Variants in UGGT1 observed in about 807,000 individuals in gnomAD.
UGGT1 encodes UDP-glucose glycoprotein glucosyltransferase 1, also known as UDP-glucose:glycoprotein glucosyltransferase 1.
UGGT1 carries 107 observed loss-of-function variants against 203.9 expected under a neutral mutation model. The ratio of observed to expected loss-of-function variants is 0.52; its 90% CI spans 0.45 to 0.62. The LOEUF (loss-of-function observed/expected upper bound fraction) is 0.62. Among genes scored for constraint, UGGT1 ranks in the 20% least tolerant of loss-of-function variants. The pLI is 0.00. For synonymous variants in UGGT1, 628 were observed against 653.5 expected, an observed-to-expected ratio of 0.96 and a Z score of 0.59; for missense variants, 1,673 against 1,867.2, an observed-to-expected ratio of 0.90 and a Z score of 1.92.
At position 128,113,232 on chromosome 2, in the gene UGGT1, A is replaced by C. The variant is rs940014742; in HGVS notation, c.670A>C (p.Asn224His). ...ATCAAAAAGCAATGCAGGCAAAATC[A>C]ATTATGTATTCAGACATTATATATT... ...LISKSNAGKI[N>H]YVFRHYIFNP... The change falls in exon 6 of 41, where the codon AAT (asparagine) becomes CAT (histidine). Residue 224 changes from asparagine (N) to histidine (H), a missense_variant. By Grantham distance (68) the Asn-to-His change is moderately conservative. This residue lies in a region of UGGT1 where 1,073 missense variants were observed against 1,078.7 expected (regional missense o/e 0.99). Transcript: ENST00000259253. The C allele has an allele frequency of 1.9e-6, 3 of 1,612,060 alleles. No homozygotes were observed. Among genetic ancestry groups the C allele is most frequent in the Non-Finnish European group, 2.5e-6 (3 of 1,179,154 alleles).
At chr2:128,122,257 G>A (rs1465920490) in intron 10 of UGGT1, among the ~76,000 whole-genome samples, 1 of 152,012 alleles carries the variant, frequency 6.6e-6, no homozygotes, top group African/African-American at 2.4e-5. Flanking sequence ...AGTGGGCCAG[G>A]CATGGTGGCT....
Position 128,193,585 on chromosome 2 carries a change from A to G in UGGT1, c.*3843A>G, listed in dbSNP as rs1033411750. On this transcript the variant is annotated 3_prime_UTR_variant, in exon 41 of 41. Transcript: ENST00000259253. ...AGCCCTCGTGTTCTGAACCTTGTCAAGGCTCTGCCTGAATGAGTTTTCATC... is the reference window on the plus strand; with the variant it reads ...AGCCCTCGTGTTCTGAACCTTGTCAGGGCTCTGCCTGAATGAGTTTTCATC... The G allele has an allele frequency of 6.6e-6, 1 of 152,184 alleles. No individual in the cohort carries two copies. Among genetic ancestry groups the G allele is most frequent in the African/African-American group, 2.4e-5 (1 of 41,416 alleles). 9.4% of individuals were successfully genotyped at this position (152,184 alleles called of 1,614,324 possible). A position where few individuals can be genotyped will look rare whatever the true frequency, so the allele number is the denominator to read the frequency against.
Position 128,164,654 on chromosome 2 carries a change from C to G in UGGT1, c.2826-76C>G, listed in dbSNP as rs1573602134. On this transcript the variant is annotated intron_variant, in intron 25 of 40. Coordinates refer to ENST00000259253, the MANE Select transcript of UGGT1 (RefSeq NM_020120.4). Reference sequence around the variant, plus strand: ...ATCTTGTTAGAATTCAGTATTTGGGCTGATGATATGTTTGGCAATAATTGG... The same window carrying G: ...ATCTTGTTAGAATTCAGTATTTGGGGTGATGATATGTTTGGCAATAATTGG... The G allele has an allele frequency of 1.4e-5, 17 of 1,198,892 alleles. No individual in the cohort carries two copies. The Admixed American group carries it at 2.9e-4, about 20-fold the overall frequency. The allele number at this position is 1,198,892 out of a possible 1,614,324, so 74.3% of individuals were successfully genotyped here. A position where few individuals can be genotyped will look rare whatever the true frequency, so the allele number is the denominator to read the frequency against.
At chr2:128,163,455 C>G (rs1313951239) in intron 25 of UGGT1, among the ~76,000 whole-genome samples, 3 of 150,726 alleles carry the variant, frequency 2.0e-5, no homozygotes, top group African/African-American at 7.3e-5. Flanking sequence ...GTGGCTCACA[C>G]CTGTAATCCC....
At position 128,161,155 on chromosome 2, in the gene UGGT1, G is replaced by A; in HGVS notation, c.2712G>A (p.Glu904=). 1 of 1,613,940 alleles carries A rather than the reference G, an allele frequency of 6.2e-7. No individual in the cohort carries two copies. The change falls in exon 25 of 41, where the codon GAG becomes GAA. Residue 904 remains glutamate, a synonymous_variant. Transcript: ENST00000259253. ...CTTCACAGATCATTGGGCCACTGGAGGATAGTGAGCTCTTTAATCAAGACG... is the reference window on the plus strand; with the variant it reads ...CTTCACAGATCATTGGGCCACTGGAAGATAGTGAGCTCTTTAATCAAGACG... ...ISNGRIIGPL[E]DSELFNQDDF... is the part of the protein sequence containing the mutation.
chr2:128,129,897 G>T (rs1558776152), intron 13 of UGGT1, among the ~76,000 whole-genome samples: 1 of 152,174 alleles, frequency 6.6e-6, no homozygotes, highest in African/African-American at 2.4e-5. Flanking sequence ...TTTGAGATTT[G>T]AAGGATTTAT....
intron 25 of UGGT1, 119 bp downstream of exon 25, chr2:128,161,387 A>C: frequency 8.4e-7 from 1 of 1,195,148 alleles, no homozygotes; most frequent in Non-Finnish European, 1.1e-6. Context: ...TTTCCAGTTT[A>C]AAATCTAATA....
chr2:128,145,783 TGTG>T lies in UGGT1; in HGVS notation c.1852-17_1852-15del. ...ACAAAAGGCAAAAATATACTGTTTTTGTGGTTACTTGTGTTTCAGGAAGCAAGA... is the reference window on the plus strand; with the variant it reads ...ACAAAAGGCAAAAATATACTGTTTTTGTTACTTGTGTTTCAGGAAGCAAGA... On this transcript the variant is annotated splice_polypyrimidine_tract_variant and intron_variant, in intron 17 of 40. Coordinates refer to ENST00000259253, the MANE Select transcript of UGGT1 (RefSeq NM_020120.4). 1 of 1,538,942 alleles carries T rather than the reference TGTG, an allele frequency of 6.5e-7. No homozygotes were observed. The highest frequency in any genetic ancestry group is 8.8e-7 in the Non-Finnish European group (1 of 1,140,650).
rs142418887 is a variant in UGGT1 at position 128,134,898 on chromosome 2, A to T, written c.1520A>T (p.His507Leu). The stretch of plus-strand genomic sequence containing the variant: ...CAGGTTTTCATAGTTGATCCTGCAC[A>T]TGAGACCACAGCAGAGTTGATGAAC... ...HNMVFIVDPA[H>L]ETTAELMNTA... The change falls in exon 15 of 41, where the codon CAT (histidine) becomes CTT (leucine). Residue 507 changes from histidine (H) to leucine (L), a missense_variant. Coordinates refer to ENST00000259253, the MANE Select transcript of UGGT1 (RefSeq NM_020120.4). 1 of 1,613,932 alleles carries T rather than the reference A, an allele frequency of 6.2e-7. No homozygotes were observed. Among genetic ancestry groups the T allele is most frequent in the Non-Finnish European group, 8.5e-7 (1 of 1,179,960 alleles).
At chr2:128,093,873 T>C (rs1686984586) in intron 1 of UGGT1, among the ~76,000 whole-genome samples, 1 of 152,242 alleles carries the variant, frequency 6.6e-6, no homozygotes, top group South Asian at 2.1e-4. Flanking sequence ...CATCATGCTG[T>C]GCACTTTGGT....
intron 31 of UGGT1, among the ~76,000 whole-genome samples, chr2:128,175,160 G>A (rs974209867): frequency 2.0e-5 from 3 of 152,212 alleles, no homozygotes; most frequent in Admixed American, 2.0e-4. Flanking sequence ...ATAGGCAGAT[G>A]AGAAACTTGA....
intron 11 of UGGT1, among the ~76,000 whole-genome samples, chr2:128,125,284 G>T (rs1273270035): frequency 6.6e-6 from 1 of 152,082 alleles, no homozygotes; most frequent in South Asian, 2.1e-4. Flanking sequence ...GCTGGAGTAG[G>T]GGGTAGCACC....
At position 128,184,048 on chromosome 2, in the gene UGGT1, C is replaced by A. The variant is rs150688281; in HGVS notation, c.4359+259C>A. 3.5e-3 allele frequency among the ~76,000 whole-genome samples: 537 copies of A among 152,144 alleles called. 2 individuals are homozygous for A. The highest frequency in any genetic ancestry group is 5.8e-3 in the South Asian group (28 of 4,814). On this transcript the variant is annotated intron_variant, in intron 38 of 40. Transcript: ENST00000259253. ...GAGAGAGATGGAAGGAGAATGCTGC[C>A]TCTCTGAACCATTAGCATATCTTTG...
At chr2:128,118,722 C>CT (rs541965864) in intron 8 of UGGT1, among the ~76,000 whole-genome samples, 23 of 149,068 alleles carry the variant, frequency 1.5e-4, no homozygotes, top group Middle Eastern at 3.5e-3. Context: ...GTAATTAGAC[C>CT]TTTTTTTTTT....
Position 128,091,304 on chromosome 2 carries a change from C to CGCCCT in UGGT1, c.-47_-43dup. Reference sequence around the variant, plus strand: ...CTGCACTGCCGCTGCCGCCTCGCCCCGCCCTGCCCTGGCGTTGTCTCTGGC... The same window carrying CGCCCT: ...CTGCACTGCCGCTGCCGCCTCGCCCCGCCCTGCCCTGCCCTGGCGTTGTCTCTGGC... On this transcript the variant is annotated 5_prime_UTR_variant, in exon 1 of 41. Coordinates refer to ENST00000259253, the MANE Select transcript of UGGT1 (RefSeq NM_020120.4). The CGCCCT allele has an allele frequency of 6.7e-7, 1 of 1,488,142 alleles. No homozygotes were observed. The allele number at this position is 1,488,142 out of a possible 1,614,324, so 92.2% of individuals were successfully genotyped here.
At chr2:128,152,223 A>G (rs1474016304) in intron 18 of UGGT1, among the ~76,000 whole-genome samples, 1 of 151,634 alleles carries the variant, frequency 6.6e-6, no homozygotes, top group African/African-American at 2.4e-5. Context: ...AGCCCAGTGC[A>G]GTGGCATGAT....
chr2:128,182,857 CTT>C lies in UGGT1; in HGVS notation c.4244+577_4244+578del, dbSNP rs11367566. Among the ~76,000 whole-genome samples, 16 of 137,760 alleles carry C rather than the reference CTT, an allele frequency of 1.2e-4. 1 individual carries two copies. Among genetic ancestry groups the C allele is most frequent in the African/African-American group, 1.6e-4 (6 of 37,706 alleles). The allele number at this position is 137,760 out of a possible 152,430, so 90.4% of individuals were successfully genotyped here. ...ACAGAAACAGCTGTGAATGTGTATT[CTT>C]TTTTTTTTTACACAAAATATGCTAC... On this transcript the variant is annotated intron_variant, in intron 37 of 40. Transcript: ENST00000259253.
chr2:128,170,239 T>C (rs1227083806), intron 26 of UGGT1, 49 bp from the exon 27 acceptor site: 4 of 1,564,762 alleles, frequency 2.6e-6, no homozygotes, highest in African/African-American at 1.4e-5. Context: ...AAAAAAACTT[T>C]TGTTTCCTGT....
intron 1 of UGGT1, among the ~76,000 whole-genome samples, chr2:128,092,640 T>C (rs1170525122): frequency 3.4e-5 from 5 of 147,130 alleles, no homozygotes; most frequent in African/African-American, 1.2e-4. Flanking sequence ...AGTTTCACTC[T>C]TGTTACCCAG....
Sources: gnomAD v4.1 joint callset for allele counts (sites outside exome capture counted in the v4.1 genomes callset) on GRCh38, gnomAD v4.1.1 for gene constraint, gnomAD v4.1.1 regional missense constraint, MANE v1.5 for transcripts, NCBI Gene and HGNC (gene_info 2026-07-23, HGNC 2026-07-21) for gene names.